XPO6: variants seen among roughly 807,000 people sequenced by gnomAD.
XPO6 encodes the protein exportin-6.
XPO6 carries 3 observed loss-of-function variants against 130.0 expected under a neutral mutation model. The observed-to-expected ratio is 0.02, with a 90% confidence interval of 0.01 to 0.06. The LOEUF (loss-of-function observed/expected upper bound fraction) is 0.06, where lower values mean the gene tolerates loss of function less well. Ranked by LOEUF, XPO6 falls within the 10% of genes least tolerant of loss-of-function variation. XPO6 has a pLI of 1.00. For synonymous variants in XPO6, 524 were observed against 548.9 expected (o/e 0.95, Z 0.63); for missense variants, 970 against 1,393.0 (o/e 0.70, Z 4.83).
At chr16:28,195,808 CCT>C (rs1400324649) in intron 1 of XPO6, among the ~76,000 whole-genome samples, 1 of 152,086 alleles carries the variant, frequency 6.6e-6, no homozygotes, top group African/African-American at 2.4e-5. Flanking sequence ...GCCTGGGGAT[CCT>C]CTCTGCTTGT....
At position 28,146,088 on chromosome 16, in the gene XPO6, G is replaced by A. The variant is rs934977273; in HGVS notation, c.1334+6C>T. 2 of 1,605,020 alleles carry A rather than the reference G, an allele frequency of 1.2e-6. No homozygotes were observed. Among genetic ancestry groups the A allele is most frequent in the Middle Eastern group, 1.8e-4 (1 of 5,688 alleles). ...ATATCTAGTTTTCAGTGTTTGAGGA[G>A]TTTACCTGTTGAGAACTGCTTCCTT... On this transcript the variant is annotated splice_donor_region_variant and intron_variant, in intron 9 of 23. Coordinates refer to ENST00000304658, the MANE Select transcript of XPO6 (RefSeq NM_015171.4).
At chr16:28,119,117 G>A (rs2087156902) in intron 14 of XPO6, among the ~76,000 whole-genome samples, 1 of 152,120 alleles carries the variant, frequency 6.6e-6, no homozygotes, top group South Asian at 2.1e-4. Flanking sequence ...CTGGGCTCAA[G>A]CAATTCTCCT....
At position 28,177,270 on chromosome 16, in the gene XPO6, A is replaced by T; in HGVS notation, c.157T>A (p.Ser53Thr). Residue 53 changes from serine (S) to threonine (T), a missense_variant, in exon 3 of 24, where the codon TCC becomes ACC. By Grantham distance (58) the Ser-to-Thr change is moderately conservative. This residue lies in a region of XPO6 where 13 missense variants were observed against 32.0 expected (regional missense o/e 0.41). Coordinates refer to ENST00000304658, the MANE Select transcript of XPO6 (RefSeq NM_015171.4). ...GAWRFCLYFL[S>T]STRNDYVMMY... ...ATTACATAGTCATTCCTAGTGCTGG[A>T]GAGAAAGTACAGGCAGAATCTCCAG... The T allele has an allele frequency of 1.2e-6, 2 of 1,613,068 alleles. No individual in the cohort carries two copies. The highest frequency in any genetic ancestry group is 1.7e-6 in the Non-Finnish European group (2 of 1,179,688).
In XPO6 at chr16:28,101,774, G is replaced by T; in HGVS notation, c.3045+73C>A. The stretch of plus-strand genomic sequence containing the variant: ...TCCACTTTCTGTCACACTCTCCAGT[G>T]AGTAACCTGAGGGTGGGACACAGGC... On this transcript the variant is annotated intron_variant, in intron 22 of 23. Transcript: ENST00000304658. This position sits in a 1 kb window ranked among gnomAD's most constrained non-coding sequence, Gnocchi z 5.4. The T allele has an allele frequency of 6.3e-7, 1 of 1,587,906 alleles. No individual in the cohort carries two copies. Among genetic ancestry groups the T allele is most frequent in the South Asian group, 1.1e-5 (1 of 88,110 alleles).
chr16:28,135,282 A>G lies in XPO6; in HGVS notation c.1377T>C (p.Asn459=), dbSNP rs1430138445. 5 of 1,614,058 alleles carry G rather than the reference A, an allele frequency of 3.1e-6. No homozygotes were observed. The South Asian group carries it at 4.4e-5, about 14-fold the overall frequency. The change falls in exon 10 of 24, where the codon AAT becomes AAC. Residue 459 remains asparagine, a synonymous_variant. Transcript: ENST00000304658. ...ALVLLLTEVL[N]RIQFRYNQAQ... ...CTTGGTTGTATCTGAACTGGATTCG[A>G]TTCAACACCTCTGTGAGCAGGAGCA...
chr16:28,110,650 C>A (rs1304846712), intron 17 of XPO6, among the ~76,000 whole-genome samples: 2 of 152,244 alleles, frequency 1.3e-5, no homozygotes, highest in Non-Finnish European at 2.9e-5. Context: ...CATGACTCCA[C>A]AACAGCTGGA....
rs780541615 is a variant in XPO6, at chr16:28,098,652, G to A, written c.3277-13C>T. The A allele has an allele frequency of 1.1e-5, 17 of 1,600,006 alleles. No homozygotes were observed. Among genetic ancestry groups the A allele is most frequent in the East Asian group, 6.7e-5 (3 of 44,506 alleles). On this transcript the variant is annotated splice_polypyrimidine_tract_variant and intron_variant, in intron 23 of 23. Coordinates refer to ENST00000304658, the MANE Select transcript of XPO6 (RefSeq NM_015171.4). ...ATGAGGGCAGGTCCTGGAAGGCAGG[G>A]GCATAGCTGCAGCCAACAACACACC...
chr16:28,120,968 T>G (rs766515195), intron 14 of XPO6, among the ~76,000 whole-genome samples: 2 of 152,274 alleles, frequency 1.3e-5, no homozygotes, highest in Non-Finnish European at 2.9e-5. Flanking sequence ...TAAGCCAGAT[T>G]TGGCAAAGGC....
intron 14 of XPO6, among the ~76,000 whole-genome samples, chr16:28,120,004 C>T (rs914924692): frequency 1.6e-4 from 25 of 152,136 alleles, no homozygotes; most frequent in Admixed American, 8.5e-4. Flanking sequence ...CCACCATGCC[C>T]GGCTAATTTT....
At chr16:28,099,871 C>A (rs549850204) in intron 23 of XPO6, among the ~76,000 whole-genome samples, 1 of 152,300 alleles carries the variant, frequency 6.6e-6, no homozygotes, top group East Asian at 1.9e-4. Flanking sequence ...CCTCAAAAAA[C>A]CAACTAAGGG....
intron 1 of XPO6, among the ~76,000 whole-genome samples, chr16:28,199,003 G>A (rs926719182): frequency 6.6e-6 from 1 of 152,004 alleles, no homozygotes; most frequent in Non-Finnish European, 1.5e-5. Flanking sequence ...AATTAGCCGG[G>A]CGTGGTGTCA....
chr16:28,153,849 T>C lies in XPO6; in HGVS notation c.1098-1064A>G, dbSNP rs189315605. The C allele has an allele frequency of 1.1e-3, 1,118 of 985,348 alleles. 9 individuals carry two copies. The Middle Eastern group carries it at 0.021, about 19-fold the overall frequency. 61.0% of individuals were successfully genotyped at this position (985,348 alleles called of 1,614,324 possible). A position where few individuals can be genotyped will look rare whatever the true frequency, so the allele number is the denominator to read the frequency against. On this transcript the variant is annotated intron_variant, in intron 7 of 23. Coordinates refer to ENST00000304658, the MANE Select transcript of XPO6 (RefSeq NM_015171.4). ...GTGAAATAATAAAAGCAGAGAAAACTACTACTCAGAAAAGCAAAACTGGCC... is the reference window on the plus strand; with the variant it reads ...GTGAAATAATAAAAGCAGAGAAAACCACTACTCAGAAAAGCAAAACTGGCC...
chr16:28,121,874 A>G, intron 13 of XPO6, 112 bp from the exon 14 acceptor site: 2 of 664,186 alleles, frequency 3.0e-6, no homozygotes, highest in Admixed American at 2.5e-5. Flanking sequence ...TTCATATACA[A>G]AAAAGAATCA....
At chr16:28,123,641 A>G (rs1833508137) in intron 13 of XPO6, among the ~76,000 whole-genome samples, 1 of 152,202 alleles carries the variant, frequency 6.6e-6, no homozygotes, top group Admixed American at 6.5e-5. Context: ...TCAGTCAAGA[A>G]AGTGAGGGCA....
At chr16:28,181,182 A>G in intron 1 of XPO6, 151 bp from the exon 2 acceptor site, 2 of 526,074 alleles carry the variant, frequency 3.8e-6, no homozygotes, top group Non-Finnish European at 6.5e-6. Flanking sequence ...ATGCCAGAAA[A>G]AACTGAAGGG....
intron 1 of XPO6, chr16:28,183,416 C>A (rs935423667): frequency 7.8e-6 from 1 of 128,498 alleles, no homozygotes; most frequent in Admixed American, 8.6e-5. Context: ...CACTACTACA[C>A]TTCACTAGTT....
chr16:28,207,521 T>C (rs996474729), intron 1 of XPO6, among the ~76,000 whole-genome samples: 1 of 152,238 alleles, frequency 6.6e-6, no homozygotes, highest in Non-Finnish European at 1.5e-5. Context: ...CCTGTAATTC[T>C]ATACTGCAAC....
chr16:28,112,881 C>T, intron 16 of XPO6, 23 bp downstream of exon 16: 2 of 1,607,922 alleles, frequency 1.2e-6, no homozygotes, highest in Middle Eastern at 1.7e-4. Context: ...CCTGGGGACC[C>T]CGGGGGAGCT....
intron 1 of XPO6, among the ~76,000 whole-genome samples, chr16:28,188,234 G>C (rs906457232): frequency 6.6e-6 from 1 of 152,134 alleles, no homozygotes; most frequent in Admixed American, 6.5e-5. Flanking sequence ...GGGCCAACAT[G>C]CCCAGCCAAA....
Sources: allele counts gnomAD v4.1 joint callset (sites outside exome capture counted in the v4.1 genomes callset), GRCh38; gene constraint gnomAD v4.1.1; regional missense constraint gnomAD v4.1.1; non-coding constraint Gnocchi (gnomAD v3.1); transcripts MANE v1.5; gene names NCBI Gene and HGNC (gene_info 2026-07-23, HGNC 2026-07-21).